Variants in MTMR10 observed in about 807,000 individuals in gnomAD.
MTMR10 encodes myotubularin-related protein 10.
In MTMR10, 56 loss-of-function variants were observed where a neutral mutation model predicts 88.1. The ratio of observed to expected loss-of-function variants is 0.64; its 90% confidence interval spans 0.51 to 0.79. The LOEUF (loss-of-function observed/expected upper bound fraction) is 0.79. Ranked by LOEUF, MTMR10 falls within the 30% of genes least tolerant of loss-of-function variation. MTMR10 has a pLI of 0.00. For synonymous variants in MTMR10, 380 were observed against 340.9 expected (o/e 1.11, Z -1.26); for missense variants, 883 against 924.7 (o/e 0.95, Z 0.58).
At position 30,940,891 on chromosome 15, in the gene MTMR10, C is replaced by T; in HGVS notation, c.*579G>A. 1 of 1,022,994 alleles carries T rather than the reference C, an allele frequency of 9.8e-7. No individual in the cohort carries two copies. 63.4% of individuals were successfully genotyped at this position (1,022,994 alleles called of 1,614,324 possible). A position where few individuals can be genotyped will look rare whatever the true frequency, so the allele number is the denominator to read the frequency against. ...AGTGCATATCATTTTAAAGTTGACC[C>T]TATGAAGTTAAAAGCAAACTCATGA... is the stretch of plus-strand genomic sequence containing the variant. On this transcript the variant is annotated 3_prime_UTR_variant, in exon 16 of 16. Transcript: ENST00000435680.
Position 30,940,000 on chromosome 15 carries a change from C to A in MTMR10, c.*1470G>T, listed in dbSNP as rs1192395303. 1 of 975,994 alleles carries A rather than the reference C, an allele frequency of 1.0e-6. No homozygotes were observed. Among genetic ancestry groups the A allele is most frequent in the Admixed American group, 6.2e-5 (1 of 16,228 alleles). The allele number at this position is 975,994 out of a possible 1,614,324, so 60.5% of individuals were successfully genotyped here. A position where few individuals can be genotyped will look rare whatever the true frequency, so the allele number is the denominator to read the frequency against. ...ATCAAATTTTAAAAGGCAAATAATT[C>A]AAAAAGAAACAGCTATTCAGTACAT... On this transcript the variant is annotated 3_prime_UTR_variant, in exon 16 of 16. Transcript: ENST00000435680.
chr15:30,934,908 T>C (rs1051021119), downstream of MTMR10, among the ~76,000 whole-genome samples: 1 of 152,236 alleles, frequency 6.6e-6, no homozygotes, highest in Non-Finnish European at 1.5e-5. Flanking sequence ...CTATAACATA[T>C]TATTTTTGCT....
intron 6 of MTMR10, among the ~76,000 whole-genome samples, chr15:30,964,360 C>T (rs1309664225): frequency 6.6e-6 from 1 of 152,222 alleles, no homozygotes; most frequent in African/African-American, 2.4e-5. Context: ...GATTGTTTCT[C>T]TGGCCAAATT....
At position 30,941,845 on chromosome 15, in the gene MTMR10, G is replaced by A. The variant is rs757424602; in HGVS notation, c.1959C>T (p.His653=). Residue 653 remains histidine (H), a synonymous_variant, in exon 16 of 16, where the codon CAC becomes CAT. Transcript: ENST00000435680. The part of the protein sequence containing the change: ...GVILPRVSGT[H]IKLWKLCYFR... ...AGTAGCACAGTTTCCACAGTTTTAT[G>A]TGTGTTCCAGAGACACGTGGCAGAA... 1.2e-6 allele frequency: 2 copies of A among 1,613,946 alleles called. No homozygotes were observed. Among genetic ancestry groups the A allele is most frequent in the African/African-American group, 2.7e-5 (2 of 74,932 alleles).
chr15:30,926,623 T>C, the MTMR10 span: 1 of 985,326 alleles, frequency 1.0e-6, no homozygotes. Context: ...GGTGATGTTA[T>C]TGGGGAAGAC....
At chr15:30,975,825 A>G (rs983813968) in intron 3 of MTMR10, among the ~76,000 whole-genome samples, 1 of 152,306 alleles carries the variant, frequency 6.6e-6, no homozygotes, top group African/African-American at 2.4e-5. Context: ...TCATATACCA[A>G]TATTTCATTA....
the MTMR10 span, chr15:30,925,003 T>C: frequency 1.1e-6 from 1 of 944,748 alleles, no homozygotes; most frequent in Non-Finnish European, 1.6e-6. Flanking sequence ...CTAGAAGTGC[T>C]GTTTGCTCAT....
the MTMR10 span, chr15:30,925,367 G>A: frequency 5.2e-6 from 7 of 1,352,674 alleles, no homozygotes; most frequent in Non-Finnish European, 1.0e-6. Context: ...CATCCTAAGA[G>A]CTGTTTTGAG....
At chr15:30,963,948 G>C (rs575704581) in intron 6 of MTMR10, among the ~76,000 whole-genome samples, 1 of 151,992 alleles carries the variant, frequency 6.6e-6, no homozygotes, top group Non-Finnish European at 1.5e-5. Context: ...CACGAAAAAG[G>C]CTATATGAAT....
At chr15:30,980,189 T>C (rs2030473255) in intron 2 of MTMR10, among the ~76,000 whole-genome samples, 1 of 152,218 alleles carries the variant, frequency 6.6e-6, no homozygotes, top group African/African-American at 2.4e-5. Flanking sequence ...ATCTGCAATG[T>C]TGTAGCCATT....
intron 9 of MTMR10, 29 bp from the exon 10 acceptor site, chr15:30,954,922 T>G (rs773468778): frequency 1.3e-6 from 2 of 1,512,118 alleles, no homozygotes; most frequent in Admixed American, 4.2e-5. Context: ...CTTTAGTCAT[T>G]ACTCATTCAT....
chr15:30,981,181 A>T (rs1366615272), intron 2 of MTMR10, among the ~76,000 whole-genome samples: 1 of 152,236 alleles, frequency 6.6e-6, no homozygotes, highest in Non-Finnish European at 1.5e-5. Flanking sequence ...AGTATTGACT[A>T]ATTACTGTGG....
intron 15 of MTMR10, 127 bp from the exon 16 acceptor site, chr15:30,942,199 TC>T: frequency 8.5e-7 from 1 of 1,180,706 alleles, no homozygotes; most frequent in Non-Finnish European, 1.2e-6. Context: ...AACATTTTCC[TC>T]CCTTCCTTTG....
At chr15:30,988,094 T>C (rs766366632) in intron 2 of MTMR10, among the ~76,000 whole-genome samples, 5 of 152,168 alleles carry the variant, frequency 3.3e-5, no homozygotes, top group Admixed American at 6.5e-5. Context: ...AACTTTCCAC[T>C]TGTCTTCCAG....
intron 2 of MTMR10, among the ~76,000 whole-genome samples, chr15:30,981,569 A>G (rs1313081432): frequency 6.6e-6 from 1 of 152,248 alleles, no homozygotes; most frequent in Non-Finnish European, 1.5e-5. Context: ...CAAAGCGTCA[A>G]GGTTTTATTG....
chr15:30,976,611 G>A (rs937504090), intron 3 of MTMR10, among the ~76,000 whole-genome samples: 1 of 152,148 alleles, frequency 6.6e-6, no homozygotes, highest in Non-Finnish European at 1.5e-5. Flanking sequence ...ATAAAGCAAG[G>A]TGACTTACAA....
chr15:30,961,093 T>G lies in MTMR10; in HGVS notation c.566-20A>C. 6.5e-7 allele frequency: 1 copy of G among 1,536,022 alleles called. No individual in the cohort carries two copies. Among genetic ancestry groups the G allele is most frequent in the Middle Eastern group, 1.7e-4 (1 of 5,950 alleles). Reference sequence around the variant, plus strand: ...TGTTTGCTGTAGGAAAAAGCAACATTATGAATTTTAACAGTCACATTTTCC... The same window carrying G: ...TGTTTGCTGTAGGAAAAAGCAACATGATGAATTTTAACAGTCACATTTTCC... On this transcript the variant is annotated intron_variant, in intron 6 of 15. Transcript: ENST00000435680.
At position 30,967,899 on chromosome 15, in the gene MTMR10, A is replaced by G. The variant is rs1445555925; in HGVS notation, c.565+21T>C. The G allele has an allele frequency of 2.0e-6, 3 of 1,510,574 alleles. No homozygotes were observed. In the African/African-American group the frequency reaches 4.2e-5, roughly 21 times the overall value. The allele number at this position is 1,510,574 out of a possible 1,614,324, so 93.6% of individuals were successfully genotyped here. ...TTACACATGTAAAATTAGTCACAATATTTAATATTTTCATATTTACCTGAA... is the reference window on the plus strand; with the variant it reads ...TTACACATGTAAAATTAGTCACAATGTTTAATATTTTCATATTTACCTGAA... On this transcript the variant is annotated intron_variant, in intron 6 of 15. Coordinates refer to ENST00000435680, the MANE Select transcript of MTMR10 (RefSeq NM_017762.3).
At chr15:30,919,520 G>C in the MTMR10 span, among the ~76,000 whole-genome samples, 1 of 151,420 alleles carries the variant, frequency 6.6e-6, no homozygotes, top group African/African-American at 2.4e-5. Flanking sequence ...GTGAAACCTC[G>C]TCTCTACTAA....
Sources: allele counts gnomAD v4.1 joint callset (sites outside exome capture counted in the v4.1 genomes callset), GRCh38; gene constraint gnomAD v4.1.1; transcripts MANE v1.5; gene names NCBI Gene and HGNC (gene_info 2026-07-23, HGNC 2026-07-21).